Variants in STPG2 observed in about 807,000 individuals in gnomAD.
STPG2 encodes sperm-tail PG-rich repeat-containing protein 2.
A neutral mutation model predicts 54.2 loss-of-function variants in STPG2; 56 were observed. The ratio of observed to expected loss-of-function variants is 1.03; its 90% CI spans 0.83 to 1.29. STPG2 has a LOEUF of 1.29. Ranked by LOEUF, STPG2 falls within the 50% of genes most tolerant of loss-of-function variation. STPG2 has a pLI of 0.00. For missense variants in STPG2, 596 were observed against 544.9 expected, an observed-to-expected ratio of 1.09 and a Z score of -0.93; for synonymous variants, 200 against 181.8, an observed-to-expected ratio of 1.10 and a Z score of -0.81.
intron 7 of STPG2, among the ~76,000 whole-genome samples, chr4:97,957,701 T>G (rs767672552): frequency 1.3e-5 from 2 of 152,080 alleles, no homozygotes; most frequent in Non-Finnish European, 2.9e-5. Flanking sequence ...GGAAAACCTA[T>G]CAGATTAAAA....
intron 5 of STPG2, among the ~76,000 whole-genome samples, chr4:98,046,120 C>T (rs911208175): frequency 6.9e-5 from 4 of 58,158 alleles, no homozygotes; most frequent in African/African-American, 3.1e-4. Flanking sequence ...CTGATCATTT[C>T]TTCTGTTCTC....
In STPG2 at chr4:97,651,168, C is replaced by G. The variant is rs569574077; in HGVS notation, c.1320+61531G>C. On this transcript the variant is annotated intron_variant, in intron 10 of 10. Coordinates refer to ENST00000295268, the MANE Select transcript of STPG2 (RefSeq NM_174952.3). ...TTAAAATCATTTCAATTTTTAAACCCTGCATATCAATAAGTTTCTTGACTA... is the reference window on the plus strand; with the variant it reads ...TTAAAATCATTTCAATTTTTAAACCGTGCATATCAATAAGTTTCTTGACTA... 4.6e-5 allele frequency among the ~76,000 whole-genome samples: 7 copies of G among 151,936 alleles called. No homozygotes were observed. In the South Asian group the frequency reaches 1.5e-3, roughly 32 times the overall value.
At chr4:98,028,779 G>C (rs1736506484) in intron 5 of STPG2, among the ~76,000 whole-genome samples, 1 of 151,946 alleles carries the variant, frequency 6.6e-6, no homozygotes, top group Non-Finnish European at 1.5e-5. Context: ...TGTGAAAGCT[G>C]AGTACATTGA....
intron 9 of STPG2, among the ~76,000 whole-genome samples, chr4:97,760,469 A>G (rs535014302): frequency 5.9e-5 from 9 of 152,334 alleles, no homozygotes; most frequent in African/African-American, 2.2e-4. Context: ...AAGTTGAAAT[A>G]TGATAATCTC....
rs560008523 is a variant in STPG2 at position 98,130,107 on chromosome 4, A to C, written c.223-1515T>G. On this transcript the variant is annotated intron_variant, in intron 2 of 10. Transcript: ENST00000295268. Reference sequence around the variant, plus strand: ...ACTCCTGACGTCAGGTGATCCGCCCACCTCAGCCTCCCAAACTGCTGGGAT... The same window carrying C: ...ACTCCTGACGTCAGGTGATCCGCCCCCCTCAGCCTCCCAAACTGCTGGGAT... Among the ~76,000 whole-genome samples, 7 of 151,204 alleles carry C rather than the reference A, an allele frequency of 4.6e-5. No individual in the cohort carries two copies. In the East Asian group the frequency reaches 1.2e-3, roughly 25 times the overall value.
chr4:97,847,205 T>A (rs1728982210), intron 8 of STPG2, among the ~76,000 whole-genome samples: 1 of 152,138 alleles, frequency 6.6e-6, no homozygotes, highest in Non-Finnish European at 1.5e-5. Flanking sequence ...TTTGGTTCTA[T>A]AAAGAAGAAA....
chr4:97,655,170 G>C (rs974123008), intron 10 of STPG2, among the ~76,000 whole-genome samples: 1 of 151,948 alleles, frequency 6.6e-6, no homozygotes, highest in Admixed American at 6.6e-5. Flanking sequence ...GTCTAATATA[G>C]AAAATCTATT....
At chr4:97,989,760 C>A (rs898179041) in intron 5 of STPG2, among the ~76,000 whole-genome samples, 4 of 152,174 alleles carry the variant, frequency 2.6e-5, no homozygotes, top group Admixed American at 1.3e-4. Flanking sequence ...AACTGGGATA[C>A]CCCAACAGTC....
chr4:97,492,714 A>C (rs945713348), intron 4 of STPG2, among the ~76,000 whole-genome samples: 6 of 151,080 alleles, frequency 4.0e-5, no homozygotes, highest in African/African-American at 1.2e-4. Flanking sequence ...TTATATTTCC[A>C]CCAGAAGAAG....
rs1046588710 is a variant in STPG2, at chr4:98,098,294, T to C, written c.612+7659A>G. Among the ~76,000 whole-genome samples the C allele has an allele frequency of 5.3e-5, 8 of 151,846 alleles. No homozygotes were observed. The East Asian group carries it at 1.6e-3, about 29-fold the overall frequency. ...AGACATGTACACTAACGAAACAGAA[T>C]AGAGAACCCGGAAAAAAAACCCACA... On this transcript the variant is annotated intron_variant, in intron 5 of 10. Transcript: ENST00000295268.
At chr4:97,615,797 G>A (rs1015017772) in intron 10 of STPG2, among the ~76,000 whole-genome samples, 1 of 151,342 alleles carries the variant, frequency 6.6e-6, no homozygotes, top group Non-Finnish European at 1.5e-5. Flanking sequence ...CCAACACTGG[G>A]AGGCCGAGAC....
At chr4:97,934,951 C>T (rs1007713365) in intron 8 of STPG2, among the ~76,000 whole-genome samples, 1 of 152,086 alleles carries the variant, frequency 6.6e-6, no homozygotes, top group Non-Finnish European at 1.5e-5. Flanking sequence ...CTCTTTGTAC[C>T]TCTAGTAGAA....
chr4:97,885,224 T>C (rs888147721), intron 8 of STPG2, among the ~76,000 whole-genome samples: 5 of 152,026 alleles, frequency 3.3e-5, no homozygotes, highest in African/African-American at 7.3e-5. Context: ...AACCCTGGAG[T>C]TGGTGAAGAT....
intron 4 of STPG2, among the ~76,000 whole-genome samples, chr4:97,552,637 A>G (rs1000227558): frequency 3.3e-5 from 5 of 152,166 alleles, no homozygotes; most frequent in Non-Finnish European, 7.4e-5. Context: ...CACAAAACAT[A>G]TATGTTGAAA....
Position 97,675,003 on chromosome 4 carries a change from T to TAC in STPG2, c.1320+37694_1320+37695dup, listed in dbSNP as rs554592667. ...AGTATATATTGATAATATTGAAGTA[T>TAC]ACATTCTCTTTTTTTTTGAGACGAA... On this transcript the variant is annotated intron_variant, in intron 10 of 10. Coordinates refer to ENST00000295268, the MANE Select transcript of STPG2 (RefSeq NM_174952.3). 5.1e-3 allele frequency among the ~76,000 whole-genome samples: 780 copies of TAC among 152,274 alleles called. 4 individuals carry two copies. Among genetic ancestry groups the TAC allele is most frequent in the Middle Eastern group, 0.02 (6 of 294 alleles).
intron 4 of STPG2, among the ~76,000 whole-genome samples, chr4:98,107,413 C>T (rs17027225): frequency 0.4 from 60,095 of 151,850 alleles, 12,130 homozygotes; most frequent in Middle Eastern, 0.46. Flanking sequence ...ATTACAAAAA[C>T]GGTGAAGTAA....
chr4:97,640,244 A>T (rs1721721182), intron 10 of STPG2, among the ~76,000 whole-genome samples: 1 of 152,084 alleles, frequency 6.6e-6, no homozygotes, highest in Non-Finnish European at 1.5e-5. Context: ...AGGAACAATG[A>T]TCAGCATTTA....
intron 8 of STPG2, among the ~76,000 whole-genome samples, chr4:97,936,219 C>A (rs1449082528): frequency 6.6e-6 from 1 of 152,144 alleles, no homozygotes; most frequent in East Asian, 1.9e-4. Context: ...TTTCTGTTTA[C>A]CATTTGCTTG....
At chr4:97,872,847 G>T (rs1488087437) in intron 8 of STPG2, among the ~76,000 whole-genome samples, 1 of 151,116 alleles carries the variant, frequency 6.6e-6, no homozygotes. Flanking sequence ...GCACCTTCAA[G>T]CTAATTCTTG....
Sources: gnomAD v4.1 joint callset for allele counts (sites outside exome capture counted in the v4.1 genomes callset) on GRCh38, gnomAD v4.1.1 for gene constraint, MANE v1.5 for transcripts, NCBI Gene and HGNC (gene_info 2026-07-23, HGNC 2026-07-21) for gene names.